Variants in SLC8A1 observed in about 807,000 individuals in gnomAD.
SLC8A1 encodes sodium/calcium exchanger 1.
SLC8A1 carries 18 observed loss-of-function variants against 68.3 expected under a neutral mutation model. The observed-to-expected ratio is 0.26, with a 90% confidence interval of 0.18 to 0.39. The LOEUF (loss-of-function observed/expected upper bound fraction) is 0.39. Among genes scored for constraint, SLC8A1 ranks in the 10% least tolerant of loss-of-function variants. SLC8A1 has a pLI of 1.00. For synonymous variants in SLC8A1, 475 were observed against 415.5 expected, an observed-to-expected ratio of 1.14 and a Z score of -1.74; for missense variants, 985 against 1,156.7, an observed-to-expected ratio of 0.85 and a Z score of 2.15.
At chr2:40,246,430 A>G (rs1450596276) in intron 2 of SLC8A1, among the ~76,000 whole-genome samples, 1 of 152,220 alleles carries the variant, frequency 6.6e-6, no homozygotes, top group Non-Finnish European at 1.5e-5. Context: ...GGTTCACTGT[A>G]AATGCTTCCA....
intron 4 of SLC8A1, 33 bp downstream of exon 6, chr2:40,174,672 GA>G: frequency 1.4e-6 from 2 of 1,469,804 alleles, no homozygotes; most frequent in South Asian, 1.2e-5. Context: ...GGTATTTGGG[GA>G]AAAATAAGGA....
At chr2:40,418,787 C>G (rs1694634938) in intron 2 of SLC8A1, among the ~76,000 whole-genome samples, 1 of 152,206 alleles carries the variant, frequency 6.6e-6, no homozygotes, top group African/African-American at 2.4e-5. Flanking sequence ...TGGTCTCCAT[C>G]AGAGAGGGCA....
At chr2:40,159,811 C>T (rs1370587657) in intron 6 of SLC8A1, among the ~76,000 whole-genome samples, 1 of 152,140 alleles carries the variant, frequency 6.6e-6, no homozygotes, top group Non-Finnish European at 1.5e-5. Flanking sequence ...ATTTTTACTA[C>T]CCTCTCTTCT....
intron 1 of SLC8A1, among the ~76,000 whole-genome samples, chr2:40,496,365 C>T (rs1383528899): frequency 2.0e-5 from 3 of 152,176 alleles, no homozygotes; most frequent in East Asian, 3.9e-4. Flanking sequence ...AAAAGGATTT[C>T]AGAACTATCT....
intron 6 of SLC8A1, among the ~76,000 whole-genome samples, chr2:40,142,990 G>A (rs1008411126): frequency 2.0e-5 from 3 of 151,936 alleles, no homozygotes; most frequent in African/African-American, 4.8e-5. Flanking sequence ...GAGAGAGAAC[G>A]TGTGTTCTTT....
At chr2:40,438,878 A>G (rs1036738770) in intron 1 of SLC8A1, among the ~76,000 whole-genome samples, 11 of 152,154 alleles carry the variant, frequency 7.2e-5, no homozygotes, top group African/African-American at 2.4e-4. Context: ...AGGCAGAAAG[A>G]GCAGAACTGA....
At chr2:40,178,218 G>C (rs1378732376) in intron 2 of SLC8A1, among the ~76,000 whole-genome samples, 169 bp downstream of exon 3, 1 of 152,150 alleles carries the variant, frequency 6.6e-6, no homozygotes, top group Non-Finnish European at 1.5e-5. Flanking sequence ...CCTAACGCTG[G>C]CTGATGTAGC....
At chr2:40,247,673 C>G (rs562753189) in intron 2 of SLC8A1, among the ~76,000 whole-genome samples, 6 of 152,204 alleles carry the variant, frequency 3.9e-5, no homozygotes, top group African/African-American at 1.4e-4. Context: ...TTTGTTAATA[C>G]ATTAACAGTA....
intron 1 of SLC8A1, among the ~76,000 whole-genome samples, chr2:40,460,956 T>G (rs2149893149): frequency 6.6e-6 from 1 of 152,290 alleles, no homozygotes; most frequent in East Asian, 1.9e-4. Context: ...GAGATGTGTT[T>G]AAGTGGGCAT....
chr2:40,134,097 G>T (rs12620063), intron 7 of SLC8A1, among the ~76,000 whole-genome samples: 8 of 36,028 alleles, frequency 2.2e-4, no homozygotes, highest in Admixed American at 6.4e-4. Context: ...GTTTGTTTGT[G>T]TTTTTTTTTT....
At chr2:40,297,385 A>G (rs1316627340) in intron 2 of SLC8A1, among the ~76,000 whole-genome samples, 1 of 152,174 alleles carries the variant, frequency 6.6e-6, no homozygotes, top group African/African-American at 2.4e-5. Flanking sequence ...TAAATCTGAA[A>G]CAAAAATGTA....
intron 2 of SLC8A1, among the ~76,000 whole-genome samples, chr2:40,361,143 G>T (rs754698388): frequency 6.6e-6 from 1 of 152,206 alleles, no homozygotes; most frequent in East Asian, 1.9e-4. Flanking sequence ...ATGGCATTCG[G>T]GTGTTAACAG....
At chr2:40,500,146 A>AAAC in intron 1 of SLC8A1, among the ~76,000 whole-genome samples, 1 of 152,158 alleles carries the variant, frequency 6.6e-6, no homozygotes, top group Middle Eastern at 3.4e-3. Context: ...ACAAACAAAC[A>AAAC]AACAACAACA....
chr2:40,266,024 T>C (rs946032675), intron 2 of SLC8A1, among the ~76,000 whole-genome samples: 2 of 152,216 alleles, frequency 1.3e-5, no homozygotes, highest in Non-Finnish European at 2.9e-5. Flanking sequence ...CAAATCATAC[T>C]AACTCCTAAC....
chr2:40,153,684 A>G (rs985467068), intron 6 of SLC8A1, among the ~76,000 whole-genome samples: 2 of 152,198 alleles, frequency 1.3e-5, no homozygotes, highest in Non-Finnish European at 2.9e-5. Flanking sequence ...GCTTGGAGAA[A>G]AGGCTGGGCA....
At chr2:40,482,723 C>A (rs1305713594) in intron 1 of SLC8A1, among the ~76,000 whole-genome samples, 1 of 151,878 alleles carries the variant, frequency 6.6e-6, no homozygotes, top group East Asian at 1.9e-4. Flanking sequence ...ATAGACACTT[C>A]CTGTTTTCTG....
chr2:40,374,993 A>C (rs1452958087), intron 2 of SLC8A1, among the ~76,000 whole-genome samples: 2 of 152,220 alleles, frequency 1.3e-5, no homozygotes, highest in African/African-American at 4.8e-5. Context: ...GTAATTCCAG[A>C]GTAATAAATC....
chr2:40,280,930 C>T (rs77055629), intron 2 of SLC8A1, among the ~76,000 whole-genome samples: 7,725 of 152,230 alleles, frequency 0.051, 619 homozygotes, highest in African/African-American at 0.18. Flanking sequence ...TAACTCAGCA[C>T]GTTGTCTGTA....
At chr2:40,353,939 G>A (rs79182825) in intron 2 of SLC8A1, among the ~76,000 whole-genome samples, 3,711 of 152,222 alleles carry the variant, frequency 0.024, 55 homozygotes, top group Middle Eastern at 0.038. Context: ...TTGAATAAGC[G>A]TACCATTTTA....
Sources: gnomAD v4.1 joint callset for allele counts (sites outside exome capture counted in the v4.1 genomes callset) on GRCh38, gnomAD v4.1.1 for gene constraint, MANE v1.5 for transcripts, NCBI Gene and HGNC (gene_info 2026-07-23, HGNC 2026-07-21) for gene names.